The following CHD4 variants were observed in gnomAD, a reference collection of about 807,000 sequenced individuals.
The protein encoded by CHD4 is ATP-dependent chromatin remodeler CHD4.
A neutral mutation model predicts 235.5 loss-of-function variants in CHD4; 35 were observed. The observed-to-expected ratio is 0.15, with a 90% CI of 0.11 to 0.20. The LOEUF is 0.20. Among genes scored for constraint, CHD4 ranks in the 10% least tolerant of loss-of-function variants. The pLI is 1.00. For synonymous variants in CHD4, 900 were observed against 850.2 expected (o/e 1.06, Z -1.02); for missense variants, 1,329 against 2,432.3 (o/e 0.55, Z 9.54).
chr12:6,589,452 C>A (rs1948354334), intron 22 of CHD4, among the ~76,000 whole-genome samples: 1 of 152,172 alleles, frequency 6.6e-6, no homozygotes, highest in Non-Finnish European at 1.5e-5. Context: ...TCATGTCCGT[C>A]CCCCAGTATG....
chr12:6,602,618 C>T, intron 2 of CHD4, 121 bp from the exon 3 acceptor site: 1 of 1,249,060 alleles, frequency 8.0e-7, no homozygotes, highest in Non-Finnish European at 1.1e-6. Flanking sequence ...CTGAAGAGAA[C>T]TGCTATACTC....
intron 31 of CHD4, 33 bp downstream of exon 31, chr12:6,581,616 A>G (rs1196694479): frequency 6.2e-7 from 1 of 1,613,978 alleles, no homozygotes; most frequent in African/African-American, 1.3e-5. Flanking sequence ...ACAAAAAGAG[A>G]GGGACAGAAA....
chr12:6,594,086 C>T (rs1371416868), intron 15 of CHD4, among the ~76,000 whole-genome samples: 6 of 152,158 alleles, frequency 3.9e-5, no homozygotes, highest in African/African-American at 1.2e-4. Flanking sequence ...CCACCAACCT[C>T]GGGCTTCCAA....
rs1185243377 is a variant in CHD4 at position 6,570,353 on chromosome 12, G to C, written c.*323C>G. 22 of 370,292 alleles carry C rather than the reference G, an allele frequency of 5.9e-5. No individual in the cohort carries two copies. The allele number at this position is 370,292 out of a possible 1,614,324, so 22.9% of individuals were successfully genotyped here. ...AAAACCAAAAGGAGGAAAAAATTCA[G>C]ATCATTTTCTTCAAGCCTGGCAGGA... On this transcript the variant is annotated 3_prime_UTR_variant, in exon 40 of 40. Transcript: ENST00000544040.
chr12:6,595,968 AAAAG>A (rs2136218270), intron 13 of CHD4, 34 bp downstream of exon 13: 5 of 1,574,002 alleles, frequency 3.2e-6, no homozygotes, highest in Non-Finnish European at 4.3e-6. Context: ...AAAAAAAAAA[AAAAG>A]AAACAACTCT....
At chr12:6,602,196 A>G in intron 3 of CHD4, 21 bp from the exon 4 acceptor site, 1 of 1,612,474 alleles carries the variant, frequency 6.2e-7, no homozygotes, top group South Asian at 1.1e-5. Flanking sequence ...GCAAGGGGGG[A>G]AGAGGGAGAC....
intron 35 of CHD4, 123 bp downstream of exon 35, chr12:6,578,286 T>A: frequency 1.4e-6 from 2 of 1,391,974 alleles, no homozygotes; most frequent in Non-Finnish European, 2.0e-6. Flanking sequence ...GAACCCACTA[T>A]CAGTTTGGCA....
intron 19 of CHD4, 78 bp from the exon 20 acceptor site, chr12:6,592,135 T>C (rs967605588): frequency 1.4e-4 from 224 of 1,556,070 alleles, no homozygotes; most frequent in Non-Finnish European, 1.9e-4. Context: ...ACAACTGAGA[T>C]CTTTCTTCCA....
intron 8 of CHD4, 65 bp from the exon 9 acceptor site, chr12:6,600,460 C>A: frequency 6.2e-7 from 1 of 1,605,576 alleles, no homozygotes; most frequent in Non-Finnish European, 8.5e-7. Context: ...CCCCCGACCC[C>A]TATCTCCTTA....
In CHD4 at chr12:6,594,162, A is replaced by G. The variant is rs954772177; in HGVS notation, c.2313+297T>C. Among the ~76,000 whole-genome samples the G allele has an allele frequency of 5.9e-5, 9 of 152,114 alleles. No homozygotes were observed. In the East Asian group the frequency reaches 1.2e-3, roughly 20 times the overall value. On this transcript the variant is annotated intron_variant, in intron 15 of 39. Transcript: ENST00000544040. ...GCCTTTCCATACTAATTCTACTCATAATTCTACTTCCCTCAACACACAATC... is the reference window on the plus strand; with the variant it reads ...GCCTTTCCATACTAATTCTACTCATGATTCTACTTCCCTCAACACACAATC...
chr12:6,582,693 T>G lies in CHD4; in HGVS notation c.4292A>C (p.Tyr1431Ser). The change falls in exon 29 of 40, where the codon TAT becomes TCT. Residue 1431 changes from tyrosine to serine, a missense_variant. Tyr to Ser is a moderately radical substitution (Grantham distance 144). Coordinates refer to ENST00000544040, the MANE Select transcript of CHD4 (RefSeq NM_001273.5). ...AAAAGCATCCTGAGGTGGCATACCA[T>G]ATCGCATAATTGCATTAAGAAAGGC... ...RKAFLNAIMR[Y>S]GMPPQDAFTT... 6.2e-7 allele frequency: 1 copy of G among 1,614,194 alleles called. No homozygotes were observed. Among genetic ancestry groups the G allele is most frequent in the East Asian group, 2.2e-5 (1 of 44,880 alleles).
intron 6 of CHD4, 35 bp from the exon 7 acceptor site, chr12:6,601,088 G>C: frequency 6.5e-7 from 1 of 1,530,566 alleles, no homozygotes. Context: ...TATACCACAA[G>C]ACCAAAGATG....
chr12:6,578,339 G>A (rs564948222), intron 35 of CHD4, 70 bp downstream of exon 35: 86 of 1,551,346 alleles, frequency 5.5e-5, no homozygotes, highest in Middle Eastern at 1.7e-4. Flanking sequence ...TCCCTGTACC[G>A]TGGTTTCTGA....
chr12:6,599,709 A>G (rs1270272821), intron 10 of CHD4, 64 bp downstream of exon 10: 1 of 1,603,200 alleles, frequency 6.2e-7, no homozygotes, highest in African/African-American at 1.3e-5. Context: ...CCAGCCTCAC[A>G]ATAGCCTACA....
At chr12:6,583,617 C>T (rs1185898213) in intron 25 of CHD4, 5 of 459,548 alleles carry the variant, frequency 1.1e-5, no homozygotes, top group African/African-American at 1.0e-4. Flanking sequence ...GAGCTATTAT[C>T]ACAGGTAAGG....
rs749506496 is a variant in CHD4, at chr12:6,601,764, C to A, written c.441G>T (p.Glu147Asp). ...EEEDDDDDSK[E>D]PKSSAQLLED... ...CCAGGAGCTGAGCAGATGATTTAGG[C>A]TCCTGCAGAAAGAGCAAAGTCAAGT... Residue 147 changes from glutamate to aspartate, a missense_variant and splice_region_variant, in exon 5 of 40, where the codon GAG becomes GAT. Physicochemically the swap from Glu to Asp is conservative, Grantham distance 45 (BLOSUM62 2). This residue lies in a region of CHD4 where 39 missense variants were observed against 86.6 expected (regional missense o/e 0.45). Coordinates refer to ENST00000544040, the MANE Select transcript of CHD4 (RefSeq NM_001273.5). The A allele has an allele frequency of 1.4e-5, 23 of 1,613,660 alleles. No homozygotes were observed. The Admixed American group carries it at 2.5e-4, about 18-fold the overall frequency.
At chr12:6,601,822 A>G (rs1948596363) in intron 4 of CHD4, 56 bp from the exon 5 acceptor site, 2 of 1,573,112 alleles carry the variant, frequency 1.3e-6, no homozygotes, top group South Asian at 1.1e-5. Context: ...ACACTTGCTA[A>G]GCAAATTTGT....
At chr12:6,595,978 A>G (rs1443377409) in intron 13 of CHD4, 28 bp downstream of exon 13, 11 of 1,585,692 alleles carry the variant, frequency 6.9e-6, no homozygotes, top group Admixed American at 1.9e-5. Flanking sequence ...AAAAGAAACA[A>G]CTCTATGCCT....
chr12:6,583,310 T>C lies in CHD4; in HGVS notation c.3948A>G (p.Lys1316=). 1 of 1,613,806 alleles carries C rather than the reference T, an allele frequency of 6.2e-7. No homozygotes were observed. Among genetic ancestry groups the C allele is most frequent in the Non-Finnish European group, 8.5e-7 (1 of 1,179,916 alleles). ...EESVDPDYWE[K]LLRHHYEQQQ... ...GCTGCTCATAATGGTGCCGCAGCAA[T>C]TTCTCCCAGTAGTCAGGATCCACAC... The change falls in exon 26 of 40, where the codon AAA becomes AAG. Residue 1316 remains lysine, a synonymous_variant. Transcript: ENST00000544040.
Sources: allele counts gnomAD v4.1 joint callset (sites outside exome capture counted in the v4.1 genomes callset), GRCh38; gene constraint gnomAD v4.1.1; regional missense constraint gnomAD v4.1.1; transcripts MANE v1.5; gene names NCBI Gene and HGNC (gene_info 2026-07-23, HGNC 2026-07-21).